PLXDC2: variants seen among roughly 807,000 people sequenced by gnomAD.
The protein encoded by PLXDC2 is plexin domain-containing protein 2.
Under a neutral mutation model 68.9 loss-of-function variants are expected in PLXDC2, and 40 were observed. The observed-to-expected ratio is 0.58, with a 90% CI of 0.45 to 0.76. The LOEUF is 0.76. PLXDC2 is among the 30% of genes least tolerant of loss of function. PLXDC2 has a pLI of 0.00. For synonymous variants in PLXDC2, 243 were observed against 234.2 expected (o/e 1.04, Z -0.34); for missense variants, 644 against 661.9 (o/e 0.97, Z 0.30).
intron 12 of PLXDC2, among the ~76,000 whole-genome samples, chr10:20,244,504 C>T (rs532561800): frequency 1.3e-5 from 2 of 152,276 alleles, no homozygotes; most frequent in African/African-American, 4.8e-5. Flanking sequence ...ATTTGAGGGT[C>T]ATTAAGCATC....
At chr10:20,254,763 G>T (rs1835720892) in intron 13 of PLXDC2, among the ~76,000 whole-genome samples, 1 of 151,782 alleles carries the variant, frequency 6.6e-6, no homozygotes, top group Non-Finnish European at 1.5e-5. Flanking sequence ...AGGTGAAATT[G>T]GGTCACTTGA....
chr10:19,824,059 G>C (rs1836528425), intron 1 of PLXDC2, among the ~76,000 whole-genome samples: 1 of 152,140 alleles, frequency 6.6e-6, no homozygotes, highest in Non-Finnish European at 1.5e-5. Context: ...CAGGGAAGCA[G>C]ATGAGGATAT....
At chr10:19,873,406 C>CTTTTTTTT (rs1049862345) in intron 1 of PLXDC2, among the ~76,000 whole-genome samples, 5 of 115,672 alleles carry the variant, frequency 4.3e-5, no homozygotes, top group Non-Finnish European at 7.2e-5. Flanking sequence ...TCTTCTTCGT[C>CTTTTTTTT]TTTTTTTTTT....
At chr10:20,103,285 A>G (rs983174552) in intron 4 of PLXDC2, among the ~76,000 whole-genome samples, 7 of 152,214 alleles carry the variant, frequency 4.6e-5, no homozygotes, top group Non-Finnish European at 1.0e-4. Context: ...GTTGATAACA[A>G]TGCAGTCATA....
intron 1 of PLXDC2, among the ~76,000 whole-genome samples, chr10:19,899,540 G>T (rs372338991): frequency 6.6e-6 from 1 of 152,030 alleles, no homozygotes; most frequent in Non-Finnish European, 1.5e-5. Flanking sequence ...ATCTTATCAC[G>T]CCTCAGAAAG....
chr10:20,116,963 AAAT>A, intron 4 of PLXDC2, among the ~76,000 whole-genome samples: 1 of 152,228 alleles, frequency 6.6e-6, no homozygotes, highest in South Asian at 2.1e-4. Flanking sequence ...AAAAATGAAA[AAAT>A]AAATAAAATA....
chr10:19,980,148 T>A (rs747667848), intron 1 of PLXDC2, among the ~76,000 whole-genome samples: 3 of 152,138 alleles, frequency 2.0e-5, no homozygotes, highest in Non-Finnish European at 4.4e-5. Flanking sequence ...GTCTATTTGA[T>A]GGTGTGACTG....
At chr10:20,082,044 T>A (rs1158760782) in intron 4 of PLXDC2, among the ~76,000 whole-genome samples, 1 of 28,830 alleles carries the variant, frequency 3.5e-5, no homozygotes, top group Non-Finnish European at 5.1e-5. Context: ...AAACTCCATC[T>A]GAAAAAAAAA....
chr10:20,149,229 C>CTTTTTTTTTTTTT (rs71200986), intron 6 of PLXDC2, among the ~76,000 whole-genome samples: 30 of 34,940 alleles, frequency 8.6e-4, no homozygotes, highest in African/African-American at 9.5e-4. Context: ...TTTTTCTTTT[C>CTTTTTTTTTTTTT]TTTTTTTTTT....
At chr10:20,217,789 T>A (rs12256106) in intron 11 of PLXDC2, among the ~76,000 whole-genome samples, 9 of 151,452 alleles carry the variant, frequency 5.9e-5, no homozygotes, top group Non-Finnish European at 1.0e-4. Context: ...ATTCTTTTAA[T>A]GCACTGTGCC....
At chr10:20,268,890 G>A (rs2681932) in intron 13 of PLXDC2, among the ~76,000 whole-genome samples, 132,507 of 152,204 alleles carry the variant, frequency 0.87, 58,137 homozygotes, top group Middle Eastern at 0.95. Context: ...CTTTAGAGTA[G>A]ATTGCCTAAT....
chr10:20,075,631 C>T (rs1173936922), intron 4 of PLXDC2, among the ~76,000 whole-genome samples: 1 of 152,044 alleles, frequency 6.6e-6, no homozygotes, highest in African/African-American at 2.4e-5. Flanking sequence ...CAGTAGGAGA[C>T]CCAGAGAGAA....
intron 10 of PLXDC2, among the ~76,000 whole-genome samples, chr10:20,215,436 TATA>T (rs1208520911): frequency 6.6e-5 from 10 of 151,962 alleles, no homozygotes; most frequent in Admixed American, 4.6e-4. Context: ...GGGAAAGCAG[TATA>T]ATGTCAGGAT....
At chr10:20,106,209 A>C (rs535637379) in intron 4 of PLXDC2, among the ~76,000 whole-genome samples, 1 of 152,210 alleles carries the variant, frequency 6.6e-6, no homozygotes. Context: ...CCACTTAGAC[A>C]TAAGTTTAAA....
At chr10:20,013,896 T>A (rs933466115) in intron 2 of PLXDC2, among the ~76,000 whole-genome samples, 1 of 152,184 alleles carries the variant, frequency 6.6e-6, no homozygotes, top group Non-Finnish European at 1.5e-5. Flanking sequence ...TAGAAGAGTG[T>A]CACATTCAAA....
chr10:19,817,273 C>G, intron 1 of PLXDC2, 82 bp downstream of exon 1: 2 of 1,131,572 alleles, frequency 1.8e-6, no homozygotes, highest in Non-Finnish European at 2.6e-6. Context: ...TACCCTCTCC[C>G]CCCAACATCA....
intron 1 of PLXDC2, among the ~76,000 whole-genome samples, chr10:19,940,121 G>T (rs1833793426): frequency 6.6e-6 from 1 of 151,608 alleles, no homozygotes; most frequent in African/African-American, 2.4e-5. Flanking sequence ...TCTTATCATT[G>T]GGCAAATTCA....
intron 13 of PLXDC2, among the ~76,000 whole-genome samples, chr10:20,257,627 T>C (rs928938441): frequency 6.6e-6 from 1 of 152,172 alleles, no homozygotes. Context: ...AGGTTTACCT[T>C]TAGTGGAAAG....
chr10:20,012,871 C>G (rs1310273675), intron 2 of PLXDC2, among the ~76,000 whole-genome samples: 1 of 152,156 alleles, frequency 6.6e-6, no homozygotes, highest in Non-Finnish European at 1.5e-5. Flanking sequence ...CTGAATCTGT[C>G]TAGAAACAAA....
Sources: gnomAD v4.1 joint callset for allele counts (sites outside exome capture counted in the v4.1 genomes callset) on GRCh38, gnomAD v4.1.1 for gene constraint, MANE v1.5 for transcripts, NCBI Gene and HGNC (gene_info 2026-07-23, HGNC 2026-07-21) for gene names.